Variants in PEX5L observed in about 807,000 individuals in gnomAD.
PEX5L encodes the protein peroxisomal biogenesis factor 5 like.
A neutral mutation model predicts 84.0 loss-of-function variants in PEX5L; 30 were observed. The observed-to-expected ratio is 0.36, with a 90% CI of 0.27 to 0.48. The LOEUF (loss-of-function observed/expected upper bound fraction) is 0.48, where lower values mean the gene tolerates loss of function less well. Among genes scored for constraint, PEX5L ranks in the 20% least tolerant of loss-of-function variants. The pLI is 0.99. For synonymous variants in PEX5L, 270 were observed against 283.1 expected, an observed-to-expected ratio of 0.95 and a Z score of 0.46; for missense variants, 533 against 754.6, an observed-to-expected ratio of 0.71 and a Z score of 3.44.
intron 1 of PEX5L, among the ~76,000 whole-genome samples, chr3:180,000,138 G>A (rs1462528871): frequency 6.6e-6 from 1 of 152,120 alleles, no homozygotes; most frequent in Admixed American, 6.5e-5. Flanking sequence ...CTGGCCTAGA[G>A]GTCTTAGTTC....
At chr3:179,872,615 A>G (rs927693455) in intron 7 of PEX5L, among the ~76,000 whole-genome samples, 1 of 152,208 alleles carries the variant, frequency 6.6e-6, no homozygotes, top group Non-Finnish European at 1.5e-5. Flanking sequence ...CCAGCAGGAG[A>G]GTTGCAGTCA....
At chr3:179,802,532 C>CAAAAAAAAAAAAAAAAAA (rs369244711) in intron 14 of PEX5L, among the ~76,000 whole-genome samples, 1 of 73,890 alleles carries the variant, frequency 1.4e-5, no homozygotes, top group African/African-American at 4.2e-5. Flanking sequence ...GAGACTGTCT[C>CAAAAAAAAAAAAAAAAAA]AAAAAAAAAA....
intron 1 of PEX5L, among the ~76,000 whole-genome samples, chr3:180,017,580 T>G (rs1223867146): frequency 1.3e-5 from 2 of 152,086 alleles, no homozygotes; most frequent in Non-Finnish European, 2.9e-5. Context: ...GTCACTCATG[T>G]ACAACTGAGC....
chr3:179,800,478 C>T lies in PEX5L; in HGVS notation c.*1350G>A, dbSNP rs1343640904. The T allele has an allele frequency of 6.6e-6, 1 of 152,190 alleles. No individual in the cohort carries two copies. Among genetic ancestry groups the T allele is most frequent in the Non-Finnish European group, 1.5e-5 (1 of 68,028 alleles). 9.4% of individuals were successfully genotyped at this position (152,190 alleles called of 1,614,324 possible). A position where few individuals can be genotyped will look rare whatever the true frequency, so the allele number is the denominator to read the frequency against. ...CATTTTGCAAAAAATGTTCCTAATT[C>T]TTTAAAAAATGTATCTTTCAAAATA... On this transcript the variant is annotated 3_prime_UTR_variant, in exon 15 of 15. Coordinates refer to ENST00000467460, the MANE Select transcript of PEX5L (RefSeq NM_016559.3).
chr3:179,794,967 A>G lies in PEX5L; in HGVS notation c.*6861T>C, dbSNP rs1456036840. 1 of 152,228 alleles carries G rather than the reference A, an allele frequency of 6.6e-6. No homozygotes were observed. Among genetic ancestry groups the G allele is most frequent in the Non-Finnish European group, 1.5e-5 (1 of 68,048 alleles). The allele number at this position is 152,228 out of a possible 1,614,324, so 9.4% of individuals were successfully genotyped here. On this transcript the variant is annotated 3_prime_UTR_variant, in exon 15 of 15. Transcript: ENST00000467460. ...GACCCTAAAACTGAAATTTATTTTA[A>G]TATTTTTATTCTAAAAAGAATCACA...
At chr3:179,838,095 G>A (rs916962757) in intron 8 of PEX5L, among the ~76,000 whole-genome samples, 17 of 152,148 alleles carry the variant, frequency 1.1e-4, no homozygotes, top group Admixed American at 4.6e-4. Flanking sequence ...CAATAAAGAC[G>A]TTATGTATCT....
intron 5 of PEX5L, among the ~76,000 whole-genome samples, chr3:179,878,647 C>T (rs1021124515): frequency 3.9e-5 from 6 of 152,284 alleles, no homozygotes; most frequent in African/African-American, 1.4e-4. Context: ...CTGTTCTCCC[C>T]ACCTTTCTCC....
At chr3:179,817,808 G>T (rs1443580030) in intron 9 of PEX5L, among the ~76,000 whole-genome samples, 1 of 152,146 alleles carries the variant, frequency 6.6e-6, no homozygotes, top group African/African-American at 2.4e-5. Flanking sequence ...AAAGCCACAG[G>T]GTGTGACTGG....
chr3:179,871,103 T>TC (rs1750195519), intron 7 of PEX5L, among the ~76,000 whole-genome samples: 1 of 136,424 alleles, frequency 7.3e-6, no homozygotes, highest in African/African-American at 2.9e-5. Context: ...AGTTATACTT[T>TC]TTTTTTTTTT....
At chr3:179,996,724 C>T (rs1047898880) in intron 1 of PEX5L, among the ~76,000 whole-genome samples, 8 of 152,124 alleles carry the variant, frequency 5.3e-5, no homozygotes, top group Non-Finnish European at 4.4e-5. Flanking sequence ...CACTCAACTA[C>T]AAAATTTAAA....
intron 2 of PEX5L, among the ~76,000 whole-genome samples, chr3:179,898,509 G>A (rs1341513060): frequency 6.6e-6 from 1 of 152,066 alleles, no homozygotes; most frequent in African/African-American, 2.4e-5. Context: ...TGTATAATAT[G>A]TTTTAAGGAA....
intron 1 of PEX5L, among the ~76,000 whole-genome samples, chr3:180,020,579 C>T (rs1790341955): frequency 6.6e-6 from 1 of 152,022 alleles, no homozygotes; most frequent in Admixed American, 6.6e-5. Flanking sequence ...CTGAAACCCA[C>T]AGAGATAAAG....
chr3:179,803,001 T>G (rs1488650514), intron 14 of PEX5L, among the ~76,000 whole-genome samples: 1 of 152,316 alleles, frequency 6.6e-6, no homozygotes, highest in Non-Finnish European at 1.5e-5. Flanking sequence ...GTCCTCAAAG[T>G]GTGGTCTGGA....
At chr3:179,997,063 C>T (rs537175226) in intron 1 of PEX5L, among the ~76,000 whole-genome samples, 1 of 152,284 alleles carries the variant, frequency 6.6e-6, no homozygotes, top group East Asian at 1.9e-4. Context: ...AGACCCAGAC[C>T]CCTTGAATGA....
chr3:179,958,164 C>G (rs957261535), intron 2 of PEX5L, among the ~76,000 whole-genome samples: 2 of 152,180 alleles, frequency 1.3e-5, no homozygotes, highest in Non-Finnish European at 2.9e-5. Context: ...TATGGCATAT[C>G]TTTCCTTTAA....
At chr3:179,802,550 A>AAAAAAAAAAAAAAAAG (rs1553813985) in intron 14 of PEX5L, among the ~76,000 whole-genome samples, 10 of 131,560 alleles carry the variant, frequency 7.6e-5, no homozygotes, top group Non-Finnish European at 1.3e-4. Context: ...AAAAAAAAAA[A>AAAAAAAAAAAAAAAAG]AAAAGAAAAG....
At chr3:179,840,922 T>G (rs1402000022) in intron 8 of PEX5L, among the ~76,000 whole-genome samples, 1 of 152,154 alleles carries the variant, frequency 6.6e-6, no homozygotes, top group Non-Finnish European at 1.5e-5. Flanking sequence ...CAATTAGATA[T>G]TCATTCAATT....
intron 8 of PEX5L, among the ~76,000 whole-genome samples, chr3:179,847,960 C>T (rs991506475): frequency 5.4e-5 from 8 of 147,910 alleles, no homozygotes; most frequent in African/African-American, 7.4e-5. Context: ...GGTGTTCCAA[C>T]GTTTGGGTAT....
chr3:180,014,301 T>C (rs893404902), intron 1 of PEX5L, among the ~76,000 whole-genome samples: 1 of 152,110 alleles, frequency 6.6e-6, no homozygotes, highest in Non-Finnish European at 1.5e-5. Context: ...TGAAACCCCG[T>C]CTCTACTAAA....
Sources: allele counts gnomAD v4.1 joint callset (sites outside exome capture counted in the v4.1 genomes callset), GRCh38; gene constraint gnomAD v4.1.1; transcripts MANE v1.5; gene names NCBI Gene and HGNC (gene_info 2026-07-23, HGNC 2026-07-21).